The following CCNQ variants were observed in gnomAD, a reference collection of about 807,000 sequenced individuals.
CCNQ encodes cyclin-Q.
CCNQ carries 3 observed loss-of-function variants against 17.7 expected under a neutral mutation model. The observed-to-expected ratio is 0.17, with a 90% CI of 0.08 to 0.44. The LOEUF is 0.44. Ranked by LOEUF, CCNQ falls within the 20% of genes least tolerant of loss-of-function variation. CCNQ has a pLI of 0.99. For synonymous variants in CCNQ, 73 were observed against 96.0 expected (o/e 0.76, Z 1.40); for missense variants, 146 against 222.6 (o/e 0.66, Z 2.19).
At chrX:153,589,370 C>A (rs1263237952) in intron 4 of CCNQ, among the ~76,000 whole-genome samples, 1 of 113,110 alleles carries the variant, frequency 8.8e-6, no homozygotes, top group Non-Finnish European at 1.9e-5. Flanking sequence ...CTGCACAACT[C>A]CCCTGGGCGA....
At position 153,599,097 on chromosome X, in the gene CCNQ, G is replaced by A. The variant is rs1463490468; in HGVS notation, c.-24C>T. 2 of 879,754 alleles carry A rather than the reference G, an allele frequency of 2.3e-6. No individual in the cohort carries two copies. Among genetic ancestry groups the A allele is most frequent in the Admixed American group, 4.9e-5 (1 of 20,539 alleles). 72.5% of individuals were successfully genotyped at this position (879,754 alleles called of 1,213,427 possible). A position where few individuals can be genotyped will look rare whatever the true frequency, so the allele number is the denominator to read the frequency against. On this transcript the variant is annotated 5_prime_UTR_variant, in exon 1 of 5. Coordinates refer to ENST00000576892, the MANE Select transcript of CCNQ (RefSeq NM_152274.5). Reference sequence around the variant, plus strand: ...ATGAGGCGCCGCGGCACCGGCGGAAGGAGAGGCGGCCCCGGCGCGCAGAAG... The same window carrying A: ...ATGAGGCGCCGCGGCACCGGCGGAAAGAGAGGCGGCCCCGGCGCGCAGAAG...
chrX:153,592,395 A>C, intron 4 of CCNQ, 111 bp downstream of exon 4: 1 of 795,230 alleles, frequency 1.3e-6, no homozygotes, highest in Non-Finnish European at 1.8e-6. Flanking sequence ...CATGTTCCCC[A>C]GCAGCCCGTA....
At chrX:153,593,371 G>C (rs1557026246) in intron 3 of CCNQ, among the ~76,000 whole-genome samples, 1 of 112,263 alleles carries the variant, frequency 8.9e-6, no homozygotes, top group Admixed American at 9.4e-5. Flanking sequence ...CTGGAAGGAG[G>C]GGAAGGGGCT....
At chrX:153,594,908 G>C (rs2091016941) in intron 2 of CCNQ, among the ~76,000 whole-genome samples, 2 of 112,380 alleles carry the variant, frequency 1.8e-5, no homozygotes, top group East Asian at 5.6e-4. Context: ...CCTAGTTTTA[G>C]CCAGATGGGC....
intron 2 of CCNQ, 112 bp from the exon 3 acceptor site, chrX:153,594,791 C>A: frequency 1.2e-6 from 1 of 820,169 alleles, no homozygotes; most frequent in Non-Finnish European, 1.8e-6. Context: ...CGTCCATCTG[C>A]AGATTCATGG....
chrX:153,589,810 G>A (rs1471002058), intron 4 of CCNQ, among the ~76,000 whole-genome samples: 1 of 112,175 alleles, frequency 8.9e-6, no homozygotes, highest in Non-Finnish European at 1.9e-5. Context: ...TCCTGACTCA[G>A]GAAGCATAGC....
chrX:153,593,161 A>T (rs1557026187), intron 3 of CCNQ, among the ~76,000 whole-genome samples: 1 of 112,757 alleles, frequency 8.9e-6, no homozygotes, highest in Non-Finnish European at 1.9e-5. Context: ...CCAAGGGCAC[A>T]TGCTGTCCTC....
chrX:153,598,429 A>G (rs75222206), intron 1 of CCNQ, among the ~76,000 whole-genome samples: 27 of 112,036 alleles, frequency 2.4e-4, no homozygotes, highest in African/African-American at 8.5e-4. Flanking sequence ...AAAAAAAAAA[A>G]TACTGTTGAT....
chrX:153,591,816 CTG>C (rs782138151), intron 4 of CCNQ, among the ~76,000 whole-genome samples: 55 of 108,928 alleles, frequency 5.0e-4, no homozygotes, highest in Admixed American at 1.7e-3. Context: ...GCGCGGGAGA[CTG>C]GGGAAGAGAT....
chrX:153,597,192 C>A (rs1388316106), intron 1 of CCNQ, among the ~76,000 whole-genome samples: 2 of 111,868 alleles, frequency 1.8e-5, no homozygotes, highest in East Asian at 5.6e-4. Context: ...AGGCGAAGAA[C>A]AACCGACAAT....
intron 1 of CCNQ, among the ~76,000 whole-genome samples, chrX:153,596,403 T>C (rs1423859814): frequency 8.9e-6 from 1 of 111,913 alleles, no homozygotes; most frequent in African/African-American, 3.3e-5. Context: ...AAATGCAGAC[T>C]TCCCCTTTTG....
chrX:153,597,059 C>T (rs2091033463), intron 1 of CCNQ, among the ~76,000 whole-genome samples: 1 of 112,231 alleles, frequency 8.9e-6, no homozygotes, highest in African/African-American at 3.2e-5. Flanking sequence ...AAAGCCCATC[C>T]CCAGCCCATC....
At chrX:153,591,143 G>A (rs1557025695) in intron 4 of CCNQ, among the ~76,000 whole-genome samples, 6 of 111,580 alleles carry the variant, frequency 5.4e-5, no homozygotes, top group African/African-American at 2.0e-4. Flanking sequence ...GCAGCACCCG[G>A]GTGGGTGAGG....
chrX:153,597,970 G>A (rs2091039424), intron 1 of CCNQ, among the ~76,000 whole-genome samples: 1 of 111,119 alleles, frequency 9.0e-6, no homozygotes, highest in Non-Finnish European at 1.9e-5. Context: ...GCAAATTACA[G>A]TAAATTTACA....
chrX:153,588,344 G>C lies in CCNQ; in HGVS notation c.*21C>G. 3 of 1,176,758 alleles carry C rather than the reference G, an allele frequency of 2.5e-6. No homozygotes were observed. The highest frequency in any genetic ancestry group is 2.3e-6 in the Non-Finnish European group (2 of 863,097). On this transcript the variant is annotated 3_prime_UTR_variant, in exon 5 of 5. Coordinates refer to ENST00000576892, the MANE Select transcript of CCNQ (RefSeq NM_152274.5). ...AGCCGACCATCCTGGGCTTCTCTTT[G>C]GGCAGGCCTGGGCCAGGACCTTAGG...
chrX:153,592,273 C>A (rs927216065), intron 4 of CCNQ, among the ~76,000 whole-genome samples: 2 of 113,128 alleles, frequency 1.8e-5, no homozygotes, highest in African/African-American at 3.2e-5. Context: ...GGGACACCGG[C>A]GACGTCGGTG....
chrX:153,598,733 G>C, intron 1 of CCNQ, among the ~76,000 whole-genome samples: 1 of 113,368 alleles, frequency 8.8e-6, no homozygotes, highest in East Asian at 2.8e-4. Flanking sequence ...GGCCCAACCC[G>C]GCCACGTCCT....
chrX:153,594,708 A>G (rs1557026630), intron 2 of CCNQ, 29 bp from the exon 3 acceptor site: 1 of 1,210,288 alleles, frequency 8.3e-7, no homozygotes, highest in Admixed American at 2.2e-5. Context: ...ATGCTTCAGC[A>G]GCCAGGGCAG....
In CCNQ at chrX:153,599,070, C is replaced by T; in HGVS notation, c.4G>A (p.Glu2Lys). The change falls in exon 1 of 5, where the codon GAA (glutamate) becomes AAA (lysine). Residue 2 changes from glutamate to lysine, a missense_variant. By Grantham distance (56) the Glu-to-Lys change is moderately conservative. Coordinates refer to ENST00000576892, the MANE Select transcript of CCNQ (RefSeq NM_152274.5). M[E>K]APEGGGGGPA... Reference sequence around the variant, plus strand: ...CCCCCTCCGCCGCCCTCCGGGGCTTCCATGAGGCGCCGCGGCACCGGCGGA... The same window carrying T: ...CCCCCTCCGCCGCCCTCCGGGGCTTTCATGAGGCGCCGCGGCACCGGCGGA... 1 of 1,017,837 alleles carries T rather than the reference C, an allele frequency of 9.8e-7. No individual in the cohort carries two copies. 83.9% of individuals were successfully genotyped at this position (1,017,837 alleles called of 1,213,427 possible). A position where few individuals can be genotyped will look rare whatever the true frequency, so the allele number is the denominator to read the frequency against.
Sources: allele counts gnomAD v4.1 joint callset (sites outside exome capture counted in the v4.1 genomes callset), GRCh38; gene constraint gnomAD v4.1.1; transcripts MANE v1.5; gene names NCBI Gene and HGNC (gene_info 2026-07-23, HGNC 2026-07-21).